The following SPAG16 variants were observed in gnomAD, a reference collection of about 807,000 sequenced individuals.
SPAG16 encodes sperm-associated antigen 16 protein.
In SPAG16, 86 loss-of-function variants were observed where a neutral mutation model predicts 80.4. That is an observed-to-expected ratio of 1.07 (90% confidence interval 0.90 to 1.28). SPAG16 has a LOEUF of 1.28. Ranked by LOEUF, SPAG16 falls within the 50% of genes most tolerant of loss-of-function variation. The pLI, the probability that SPAG16 is intolerant of heterozygous loss-of-function variation, is 0.00. For missense variants in SPAG16, 870 were observed against 765.3 expected, an observed-to-expected ratio of 1.14 and a Z score of -1.61; for synonymous variants, 294 against 265.9, an observed-to-expected ratio of 1.11 and a Z score of -1.03.
At chr2:214,280,772 T>C in intron 15 of SPAG16, 2 of 448,990 alleles carry the variant, frequency 4.5e-6, no homozygotes, top group South Asian at 3.7e-5. Flanking sequence ...TCTCATAGAC[T>C]AGATTCTCTC....
At chr2:213,685,014 T>C (rs968541439) in intron 10 of SPAG16, among the ~76,000 whole-genome samples, 20 of 152,160 alleles carry the variant, frequency 1.3e-4, no homozygotes, top group Non-Finnish European at 2.8e-4. Context: ...CTTTAAGAGG[T>C]TGCCCTGGAG....
intron 8 of SPAG16, 79 bp from the exon 9 acceptor site, chr2:213,374,931 G>A: frequency 1.0e-6 from 1 of 975,970 alleles, no homozygotes; most frequent in Non-Finnish European, 1.5e-6. Context: ...TTGAGGTTTT[G>A]GTTTTCATAT....
At chr2:214,131,017 A>G (rs892608086) in intron 14 of SPAG16, among the ~76,000 whole-genome samples, 7 of 152,206 alleles carry the variant, frequency 4.6e-5, no homozygotes, top group Non-Finnish European at 1.0e-4. Context: ...AAGTTGGGCC[A>G]GTCTATATTC....
intron 10 of SPAG16, among the ~76,000 whole-genome samples, chr2:213,631,250 AAAAC>A (rs560977795): frequency 2.6e-4 from 39 of 152,282 alleles, no homozygotes; most frequent in Middle Eastern, 3.4e-3. Flanking sequence ...AATTCATTTC[AAAAC>A]AAACAAACAA....
At chr2:214,338,056 A>T (rs1356174105) in intron 15 of SPAG16, among the ~76,000 whole-genome samples, 1 of 152,222 alleles carries the variant, frequency 6.6e-6, no homozygotes, top group South Asian at 2.1e-4. Flanking sequence ...TATCCACTTT[A>T]AAAATTATAT....
At chr2:213,369,214 AAAG>A (rs1420625387) in intron 8 of SPAG16, among the ~76,000 whole-genome samples, 1 of 152,206 alleles carries the variant, frequency 6.6e-6, no homozygotes, top group Non-Finnish European at 1.5e-5. Flanking sequence ...AGGAAATACT[AAAG>A]AAGTTTCTTT....
intron 10 of SPAG16, among the ~76,000 whole-genome samples, chr2:213,844,836 G>A (rs373957280): frequency 6.6e-6 from 1 of 151,988 alleles, no homozygotes; most frequent in Non-Finnish European, 1.5e-5. Context: ...TTTTGAAATT[G>A]ATTTGCTTTC....
At chr2:214,275,710 C>G (rs1384425459) in intron 15 of SPAG16, among the ~76,000 whole-genome samples, 1 of 152,134 alleles carries the variant, frequency 6.6e-6, no homozygotes, top group Non-Finnish European at 1.5e-5. Flanking sequence ...GCTTTACTTC[C>G]AACTATGTGG....
chr2:213,423,333 T>G (rs754261346), intron 9 of SPAG16, among the ~76,000 whole-genome samples: 1 of 152,184 alleles, frequency 6.6e-6, no homozygotes, highest in Admixed American at 6.5e-5. Flanking sequence ...CTCCTAACAT[T>G]AGATATAAAC....
chr2:213,792,608 G>A (rs1445559955), intron 10 of SPAG16, among the ~76,000 whole-genome samples: 21 of 110,634 alleles, frequency 1.9e-4, no homozygotes, highest in African/African-American at 4.7e-4. Context: ...TTTGGAGACC[G>A]GGTCTCACTC....
chr2:213,371,808 T>C (rs987525388), intron 8 of SPAG16, among the ~76,000 whole-genome samples: 2 of 152,170 alleles, frequency 1.3e-5, no homozygotes, highest in African/African-American at 4.8e-5. Context: ...ACTACCAAAG[T>C]GACGTTTATT....
At chr2:214,103,799 C>A (rs1157928558) in intron 13 of SPAG16, among the ~76,000 whole-genome samples, 1 of 151,636 alleles carries the variant, frequency 6.6e-6, no homozygotes, top group East Asian at 1.9e-4. Flanking sequence ...ATGTAGGGGG[C>A]AGGGAGGGCT....
At chr2:214,246,360 T>C (rs979018142) in intron 15 of SPAG16, among the ~76,000 whole-genome samples, 23 of 152,264 alleles carry the variant, frequency 1.5e-4, no homozygotes, top group South Asian at 8.3e-4. Context: ...ATTCCTCTCA[T>C]TGAGAGGTGA....
chr2:213,713,384 G>A (rs1387994103), intron 10 of SPAG16, among the ~76,000 whole-genome samples: 1 of 152,152 alleles, frequency 6.6e-6, no homozygotes, highest in Non-Finnish European at 1.5e-5. Context: ...TCCTGCTGAA[G>A]GGATGTAGTA....
chr2:213,556,397 G>T (rs1174241501), intron 10 of SPAG16, among the ~76,000 whole-genome samples: 1 of 150,602 alleles, frequency 6.6e-6, no homozygotes, highest in Non-Finnish European at 1.5e-5. Context: ...AAAGTGAAAG[G>T]TTGGGAAAAC....
At chr2:213,868,891 T>G (rs2075816024) in intron 11 of SPAG16, among the ~76,000 whole-genome samples, 1 of 152,140 alleles carries the variant, frequency 6.6e-6, no homozygotes, top group African/African-American at 2.4e-5. Context: ...ATTCACATAT[T>G]TATGTAGTGC....
chr2:214,194,083 G>A (rs2057756312), intron 15 of SPAG16, among the ~76,000 whole-genome samples: 1 of 152,034 alleles, frequency 6.6e-6, no homozygotes, highest in Admixed American at 6.6e-5. Flanking sequence ...GGACAAGCAA[G>A]ACATTATTTA....
chr2:214,338,941 A>G lies in SPAG16; in HGVS notation c.1721-71199A>G, dbSNP rs548549950. On this transcript the variant is annotated intron_variant, in intron 15 of 15. Coordinates refer to ENST00000331683, the MANE Select transcript of SPAG16 (RefSeq NM_024532.5). ...TTGACACTTGATAGCATCCAGTTCA[A>G]TGTTTTATTAACACTGGTTAGTACT... Among the ~76,000 whole-genome samples, 76 of 152,340 alleles carry G rather than the reference A, an allele frequency of 5.0e-4. 4 individuals carry two copies. The South Asian group carries it at 0.014, about 28-fold the overall frequency.
intron 12 of SPAG16, among the ~76,000 whole-genome samples, chr2:213,974,964 AAC>A (rs1553684943): frequency 6.8e-6 from 1 of 147,588 alleles, no homozygotes. Flanking sequence ...AAAAAAAAAA[AAC>A]ACAAAATGTG....
Sources: allele counts gnomAD v4.1 joint callset (sites outside exome capture counted in the v4.1 genomes callset), GRCh38; gene constraint gnomAD v4.1.1; transcripts MANE v1.5; gene names NCBI Gene and HGNC (gene_info 2026-07-23, HGNC 2026-07-21).